The following UNC5C variants were observed in gnomAD, a reference collection of about 807,000 sequenced individuals.
UNC5C encodes the protein netrin receptor UNC5C.
UNC5C carries 47 observed loss-of-function variants against 99.8 expected under a neutral mutation model. The observed-to-expected ratio is 0.47, with a 90% CI of 0.37 to 0.60. UNC5C has a LOEUF of 0.60. Among genes scored for constraint, UNC5C ranks in the 20% least tolerant of loss-of-function variants. The pLI is 0.00. For missense variants in UNC5C, 1,062 were observed against 1,165.9 expected (o/e 0.91, Z 1.30); for synonymous variants, 487 against 452.2 (o/e 1.08, Z -0.98).
chr4:95,399,353 A>G (rs907592651), intron 1 of UNC5C, among the ~76,000 whole-genome samples: 3 of 152,232 alleles, frequency 2.0e-5, no homozygotes, highest in African/African-American at 7.2e-5. Context: ...GCATCACACT[A>G]CATACAAGAG....
intron 1 of UNC5C, among the ~76,000 whole-genome samples, chr4:95,505,748 T>G (rs769066410): frequency 6.6e-6 from 1 of 152,082 alleles, no homozygotes; most frequent in African/African-American, 2.4e-5. Context: ...TATATCTAAC[T>G]GTAAAACTGC....
At chr4:95,275,318 G>C (rs1422757935) in intron 4 of UNC5C, among the ~76,000 whole-genome samples, 2 of 152,034 alleles carry the variant, frequency 1.3e-5, no homozygotes, top group African/African-American at 4.8e-5. Context: ...GGTTGAGTTT[G>C]GTCTTGTGTG....
At chr4:95,214,058 C>T (rs538072146) in intron 10 of UNC5C, among the ~76,000 whole-genome samples, 4 of 152,328 alleles carry the variant, frequency 2.6e-5, no homozygotes, top group South Asian at 2.1e-4. Flanking sequence ...GAGCTCATCA[C>T]AGCTTGCAGA....
At chr4:95,441,760 A>C (rs529763538) in intron 1 of UNC5C, among the ~76,000 whole-genome samples, 1 of 152,338 alleles carries the variant, frequency 6.6e-6, no homozygotes, top group South Asian at 2.1e-4. Context: ...AGATGAATTA[A>C]GTGAGGCACA....
intron 1 of UNC5C, among the ~76,000 whole-genome samples, chr4:95,538,439 T>C (rs1041116508): frequency 2.0e-5 from 3 of 152,124 alleles, no homozygotes; most frequent in East Asian, 1.9e-4. Flanking sequence ...GACTCTGGAG[T>C]CCGCTGTTAT....
intron 7 of UNC5C, among the ~76,000 whole-genome samples, chr4:95,230,289 G>A (rs1018374390): frequency 2.0e-5 from 3 of 151,926 alleles, no homozygotes; most frequent in African/African-American, 7.3e-5. Flanking sequence ...TTTTTGATGG[G>A]GTTGTTTTTT....
chr4:95,255,887 T>A (rs1278010196), intron 4 of UNC5C, among the ~76,000 whole-genome samples: 1 of 152,088 alleles, frequency 6.6e-6, no homozygotes, highest in Non-Finnish European at 1.5e-5. Flanking sequence ...ACATTTGCTG[T>A]CTTCAATTCC....
intron 1 of UNC5C, among the ~76,000 whole-genome samples, chr4:95,407,351 C>G (rs892166885): frequency 6.6e-6 from 1 of 151,778 alleles, no homozygotes; most frequent in Non-Finnish European, 1.5e-5. Flanking sequence ...GTAAAACATA[C>G]AATGGGATGT....
chr4:95,335,284 T>A, intron 2 of UNC5C, 126 bp downstream of exon 2: 2 of 916,382 alleles, frequency 2.2e-6, no homozygotes, highest in Non-Finnish European at 3.2e-6. Flanking sequence ...CCAAACCAAT[T>A]CAAAACTTTT....
At chr4:95,418,009 T>C in intron 1 of UNC5C, among the ~76,000 whole-genome samples, 1 of 152,238 alleles carries the variant, frequency 6.6e-6, no homozygotes, top group Non-Finnish European at 1.5e-5. Context: ...AGGCAATTAA[T>C]GGTCTCAAGA....
intron 1 of UNC5C, among the ~76,000 whole-genome samples, chr4:95,509,649 T>C (rs1338715502): frequency 2.0e-5 from 3 of 151,916 alleles, no homozygotes; most frequent in African/African-American, 7.2e-5. Context: ...AATTACTAGA[T>C]AATTAGTGAA....
chr4:95,345,120 C>T (rs1356092469), intron 1 of UNC5C, among the ~76,000 whole-genome samples: 3 of 151,848 alleles, frequency 2.0e-5, no homozygotes, highest in Non-Finnish European at 4.4e-5. Flanking sequence ...AAACACATTT[C>T]ACCTATAAAG....
chr4:95,417,789 GTTGT>G (rs1444854313), intron 1 of UNC5C, among the ~76,000 whole-genome samples: 1 of 152,178 alleles, frequency 6.6e-6, no homozygotes, highest in East Asian at 1.9e-4. Context: ...TGTGGTTGCT[GTTGT>G]TTATCATCAC....
At chr4:95,172,803 G>A (rs996977367) in intron 14 of UNC5C, among the ~76,000 whole-genome samples, 8 of 152,050 alleles carry the variant, frequency 5.3e-5, no homozygotes, top group African/African-American at 1.9e-4. Context: ...TGATGGGGAT[G>A]GCATTGAATC....
intron 1 of UNC5C, among the ~76,000 whole-genome samples, chr4:95,430,905 G>A (rs1450262471): frequency 1.3e-5 from 2 of 152,020 alleles, no homozygotes; most frequent in Non-Finnish European, 2.9e-5. Context: ...CCTAAATCTT[G>A]AACATGGCTT....
chr4:95,228,038 AG>A (rs1385819511), intron 7 of UNC5C, among the ~76,000 whole-genome samples: 3 of 152,192 alleles, frequency 2.0e-5, no homozygotes, highest in African/African-American at 7.2e-5. Context: ...AAAAAGAAAG[AG>A]AGCAAGAGAG....
intron 5 of UNC5C, 116 bp from the exon 6 acceptor site, chr4:95,245,260 T>G (rs1739463216): frequency 1.6e-6 from 2 of 1,242,876 alleles, no homozygotes; most frequent in African/African-American, 3.1e-5. Context: ...GCGACCATTA[T>G]AAAAATCCAA....
intron 1 of UNC5C, among the ~76,000 whole-genome samples, chr4:95,509,211 T>A (rs1722001385): frequency 6.6e-6 from 1 of 151,874 alleles, no homozygotes; most frequent in African/African-American, 2.4e-5. Context: ...TTGTAGTTTT[T>A]TTCTAGTAAC....
At chr4:95,302,670 G>A (rs1189527847) in intron 2 of UNC5C, among the ~76,000 whole-genome samples, 1 of 152,160 alleles carries the variant, frequency 6.6e-6, no homozygotes, top group Non-Finnish European at 1.5e-5. Context: ...GGGAGGAGGA[G>A]AATTTGCTTT....
Sources: gnomAD v4.1 joint callset for allele counts (sites outside exome capture counted in the v4.1 genomes callset) on GRCh38, gnomAD v4.1.1 for gene constraint, MANE v1.5 for transcripts, NCBI Gene and HGNC (gene_info 2026-07-23, HGNC 2026-07-21) for gene names.